Variants in GOLIM4 observed in about 807,000 individuals in gnomAD.
The protein encoded by GOLIM4 is 130 kDa golgi-localized phosphoprotein.
In GOLIM4, 71 loss-of-function variants were observed where a neutral mutation model predicts 107.4. The ratio of observed to expected loss-of-function variants is 0.66; its 90% CI spans 0.55 to 0.81. GOLIM4 has a LOEUF of 0.81. GOLIM4 is among the 30% of genes least tolerant of loss of function. The pLI, the probability that GOLIM4 is intolerant of heterozygous loss-of-function variation, is 0.00. For missense variants in GOLIM4, 830 were observed against 826.1 expected, an observed-to-expected ratio of 1.00 and a Z score of -0.06; for synonymous variants, 327 against 294.8, an observed-to-expected ratio of 1.11 and a Z score of -1.12.
chr3:168,072,802 A>C (rs1577565719), intron 1 of GOLIM4, among the ~76,000 whole-genome samples: 1 of 152,164 alleles, frequency 6.6e-6, no homozygotes, highest in Non-Finnish European at 1.5e-5. Flanking sequence ...ACAGCAAATA[A>C]TACTATAAAA....
chr3:168,066,278 A>C (rs764384523), intron 1 of GOLIM4, among the ~76,000 whole-genome samples: 5 of 152,188 alleles, frequency 3.3e-5, no homozygotes, highest in African/African-American at 9.6e-5. Flanking sequence ...GGCACAGAAT[A>C]ACCTCACTAG....
chr3:168,061,016 T>TA (rs1167196701), intron 1 of GOLIM4, among the ~76,000 whole-genome samples: 3 of 151,924 alleles, frequency 2.0e-5, no homozygotes, highest in East Asian at 1.9e-4. Context: ...CGCAGCAACC[T>TA]AAAAAAAGTA....
At chr3:168,036,754 G>T in intron 8 of GOLIM4, 82 bp downstream of exon 8, 2 of 1,076,816 alleles carry the variant, frequency 1.9e-6, no homozygotes, top group South Asian at 2.0e-5. Flanking sequence ...CAGAAAAGTT[G>T]GCAATATTAA....
rs1370960270 is a variant in GOLIM4, at chr3:168,095,729, G to A, written c.-444C>T. 2 of 164,646 alleles carry A rather than the reference G, an allele frequency of 1.2e-5. No homozygotes were observed. Among genetic ancestry groups the A allele is most frequent in the Non-Finnish European group, 1.3e-5 (1 of 76,922 alleles). 10.2% of individuals were successfully genotyped at this position (164,646 alleles called of 1,614,324 possible). On this transcript the variant is annotated 5_prime_UTR_variant, in exon 1 of 16. Coordinates refer to ENST00000470487, the MANE Select transcript of GOLIM4 (RefSeq NM_014498.5). ...CACGACTTTGTTGCCACCTAAGGGA[G>A]GGGGTGCGCGCCCAACAAAGGGACC...
chr3:168,036,315 C>T (rs1052759202), intron 8 of GOLIM4, among the ~76,000 whole-genome samples: 16 of 152,198 alleles, frequency 1.1e-4, no homozygotes, highest in East Asian at 1.9e-4. Context: ...CCAAGGCGGG[C>T]GGATCACCTG....
intron 1 of GOLIM4, among the ~76,000 whole-genome samples, chr3:168,060,995 T>G (rs1434989758): frequency 6.6e-6 from 1 of 152,170 alleles, no homozygotes; most frequent in Non-Finnish European, 1.5e-5. Flanking sequence ...ATGGATTCAT[T>G]AGCAGGTCAT....
chr3:168,079,721 C>G (rs1721248451), intron 1 of GOLIM4, among the ~76,000 whole-genome samples: 1 of 151,976 alleles, frequency 6.6e-6, no homozygotes, highest in African/African-American at 2.4e-5. Context: ...GGAAAGATTT[C>G]TTAGGTATAA....
At chr3:168,027,701 G>A (rs1197060800) in intron 12 of GOLIM4, 27 bp downstream of exon 12, 2 of 1,315,978 alleles carry the variant, frequency 1.5e-6, no homozygotes, top group African/African-American at 1.4e-5. Context: ...GTTTACATGT[G>A]TCAGGGGCAG....
intron 14 of GOLIM4, among the ~76,000 whole-genome samples, chr3:168,012,394 A>C (rs914440198): frequency 2.0e-5 from 3 of 147,018 alleles, no homozygotes; most frequent in Non-Finnish European, 4.4e-5. Flanking sequence ...CTATGTGAAA[A>C]GACCAAATCT....
intron 1 of GOLIM4, among the ~76,000 whole-genome samples, chr3:168,066,594 A>C (rs1210211749): frequency 6.6e-6 from 1 of 152,146 alleles, no homozygotes; most frequent in African/African-American, 2.4e-5. Context: ...GAGTGTTCAT[A>C]TATTCAGAAA....
At chr3:168,013,643 A>G (rs1223239070) in intron 14 of GOLIM4, among the ~76,000 whole-genome samples, 1 of 151,380 alleles carries the variant, frequency 6.6e-6, no homozygotes, top group Non-Finnish European at 1.5e-5. Context: ...CTGGGAAGTA[A>G]AGCTCTCCTC....
At chr3:168,088,224 T>C (rs887404166) in intron 1 of GOLIM4, among the ~76,000 whole-genome samples, 2 of 152,008 alleles carry the variant, frequency 1.3e-5, no homozygotes, top group East Asian at 3.9e-4. Flanking sequence ...AAAGACAGAG[T>C]GAGAATATCT....
At chr3:168,034,361 A>C (rs1039856770) in intron 8 of GOLIM4, among the ~76,000 whole-genome samples, 1 of 152,240 alleles carries the variant, frequency 6.6e-6, no homozygotes, top group East Asian at 1.9e-4. Flanking sequence ...TTAATCCAGT[A>C]AACTGGCAGT....
At chr3:168,025,233 C>T (rs892687168) in intron 12 of GOLIM4, 138 bp from the exon 13 acceptor site, 13 of 657,466 alleles carry the variant, frequency 2.0e-5, no homozygotes, top group Non-Finnish European at 2.8e-5. Context: ...CCAAGACTCA[C>T]AAGAATCAAG....
chr3:168,076,416 G>A (rs545027177), intron 1 of GOLIM4, among the ~76,000 whole-genome samples: 5 of 152,082 alleles, frequency 3.3e-5, no homozygotes, highest in African/African-American at 7.2e-5. Context: ...AATCCTGGCC[G>A]GGCATGGTGG....
intron 1 of GOLIM4, among the ~76,000 whole-genome samples, chr3:168,088,198 G>A (rs1317534907): frequency 6.6e-6 from 1 of 151,964 alleles, no homozygotes; most frequent in Non-Finnish European, 1.5e-5. Context: ...CCCCAAGAAC[G>A]GCTCAAAAGG....
At chr3:168,055,074 G>A (rs998377354) in intron 1 of GOLIM4, among the ~76,000 whole-genome samples, 1 of 152,132 alleles carries the variant, frequency 6.6e-6, no homozygotes, top group East Asian at 1.9e-4. Context: ...GCCCAGTCTG[G>A]AGTATGTTTT....
At chr3:168,077,728 C>T (rs556883918) in intron 1 of GOLIM4, among the ~76,000 whole-genome samples, 11 of 152,198 alleles carry the variant, frequency 7.2e-5, no homozygotes, top group African/African-American at 2.4e-4. Flanking sequence ...TAATAATTTT[C>T]TTTGGCTATA....
chr3:168,073,041 T>C (rs963773467), intron 1 of GOLIM4, among the ~76,000 whole-genome samples: 1 of 152,218 alleles, frequency 6.6e-6, no homozygotes, highest in Non-Finnish European at 1.5e-5. Flanking sequence ...GCTAAAAAAA[T>C]ATGGTTGCCT....
Sources: allele counts gnomAD v4.1 joint callset (sites outside exome capture counted in the v4.1 genomes callset), GRCh38; gene constraint gnomAD v4.1.1; transcripts MANE v1.5; gene names NCBI Gene and HGNC (gene_info 2026-07-23, HGNC 2026-07-21).